Variants in CYP1A1 observed in about 807,000 individuals in gnomAD.
The protein encoded by CYP1A1 is cytochrome P450 1A1.
CYP1A1 carries 43 observed loss-of-function variants against 33.6 expected under a neutral mutation model. That is an observed-to-expected ratio of 1.28 (90% CI 1.00 to 1.65). The LOEUF is 1.65. CYP1A1 is among the 40% of genes most tolerant of loss of function. CYP1A1 has a pLI of 0.00. For synonymous variants in CYP1A1, 280 were observed against 257.8 expected (o/e 1.09, Z -0.83); for missense variants, 637 against 653.7 (o/e 0.97, Z 0.28).
chr15:74,721,847 C>A, intron 2 of CYP1A1, 130 bp from the exon 3 acceptor site: 2 of 1,205,550 alleles, frequency 1.7e-6, no homozygotes, highest in Non-Finnish European at 2.3e-6. Flanking sequence ...GTTGTCCCAG[C>A]TTCTCTCTGC....
chr15:74,720,666 C>A lies in CYP1A1; in HGVS notation c.1362G>T (p.Lys454Asn), dbSNP rs369745647. Residue 454 changes from lysine to asparagine, a missense_variant, in exon 7 of 7, where the codon AAG becomes AAT. Transcript: ENST00000379727. ...CAATGGTCTCACCGATACACTTCCG[C>A]TTGCCCATGCCAAAGATAATCACCT... ...SEKVIIFGMGKRKCIGETIAR... is the reference protein window; with the variant it reads ...SEKVIIFGMGNRKCIGETIAR... 12 of 1,614,060 alleles carry A rather than the reference C, an allele frequency of 7.4e-6. No individual in the cohort carries two copies. The highest frequency in any genetic ancestry group is 9.3e-6 in the Non-Finnish European group (11 of 1,180,028).
At position 74,722,447 on chromosome 15, in the gene CYP1A1, T is replaced by C; in HGVS notation, c.651A>G (p.Leu217=). The C allele has an allele frequency of 1.9e-6, 3 of 1,613,950 alleles. No homozygotes were observed. Among genetic ancestry groups the C allele is most frequent in the Non-Finnish European group, 2.5e-6 (3 of 1,179,954 alleles). The change falls in exon 2 of 7, where the codon CTA becomes CTG. Residue 217 remains leucine (L), a synonymous_variant. Transcript: ENST00000379727. ...CCCCGAAATTATTATTCAGGTTGAC[T>C]AGGCTAAGCAGTTCTTGGTGGTTGT... The part of the protein sequence containing the change: ...YDHNHQELLS[L]VNLNNNFGEV...
chr15:74,724,468 C>T (rs879901294), intron 1 of CYP1A1, among the ~76,000 whole-genome samples: 11 of 151,842 alleles, frequency 7.2e-5, no homozygotes, highest in Non-Finnish European at 1.5e-4. Context: ...AAGACAAGAT[C>T]TCTCAGTTCA....
Position 74,720,427 on chromosome 15 carries a change from G to A in CYP1A1, c.*62C>T. On this transcript the variant is annotated 3_prime_UTR_variant, in exon 7 of 7. Coordinates refer to ENST00000379727, the MANE Select transcript of CYP1A1 (RefSeq NM_001319217.2). ...AACCTTAGACCACATAGGCCAGCCT[G>A]CTGGTCTGGCTGCCCAACCAGACCA... 6.7e-7 allele frequency: 1 copy of A among 1,486,988 alleles called. No homozygotes were observed. Among genetic ancestry groups the A allele is most frequent in the Non-Finnish European group, 9.0e-7 (1 of 1,109,480 alleles). The allele number at this position is 1,486,988 out of a possible 1,614,324, so 92.1% of individuals were successfully genotyped here.
rs760213300 is a variant in CYP1A1, at chr15:74,722,362, G to A, written c.736C>T (p.Pro246Ser). 50 of 1,614,056 alleles carry A rather than the reference G, an allele frequency of 3.1e-5. 1 individual carries two copies. The Admixed American group carries it at 8.0e-4, about 26-fold the overall frequency. ...AGGTCCTTGAAGGCATTCAGGGAAG[G>A]GTTGGGTAGGTAGCGAAGAATAGGG... ...FIPILRYLPN[P>S]SLNAFKDLNE... is the part of the protein sequence containing the mutation. Residue 246 changes from proline (P) to serine (S), a missense_variant, in exon 2 of 7, where the codon CCT (proline) becomes TCT (serine). By Grantham distance (74) the Pro-to-Ser change is moderately conservative. Coordinates refer to ENST00000379727, the MANE Select transcript of CYP1A1 (RefSeq NM_001319217.2).
At position 74,722,332 on chromosome 15, in the gene CYP1A1, C is replaced by T. The variant is rs746238922; in HGVS notation, c.766G>A (p.Glu256Lys). The T allele has an allele frequency of 8.1e-6, 13 of 1,614,024 alleles. No individual in the cohort carries two copies. Among genetic ancestry groups the T allele is most frequent in the Non-Finnish European group, 1.0e-5 (12 of 1,180,008 alleles). ...PSLNAFKDLN[E>K]KFYSFMQKMV... Reference sequence around the variant, plus strand: ...TTCTGCATGAAGCTGTAGAACTTCTCATTCAGGTCCTTGAAGGCATTCAGG... The same window carrying T: ...TTCTGCATGAAGCTGTAGAACTTCTTATTCAGGTCCTTGAAGGCATTCAGG... Residue 256 changes from glutamate (E) to lysine (K), a missense_variant, in exon 2 of 7, where the codon GAG (glutamate) becomes AAG (lysine). Glu to Lys is a moderately conservative substitution (Grantham distance 56). Transcript: ENST00000379727.
Position 74,720,777 on chromosome 15 carries a change from G to C in CYP1A1, c.1254-3C>G. On this transcript the variant is annotated splice_region_variant and splice_polypyrimidine_tract_variant and intron_variant, in intron 6 of 6. Transcript: ENST00000379727. ...CAGATGGGTTGACCCATAGCTTCCT[G>C]TAACCAGAGGGAGACAGCTGAAGTG... 6.2e-7 allele frequency: 1 copy of C among 1,606,020 alleles called. No homozygotes were observed. Among genetic ancestry groups the C allele is most frequent in the Non-Finnish European group, 8.5e-7 (1 of 1,175,490 alleles).
At position 74,722,396 on chromosome 15, in the gene CYP1A1, A is replaced by T. The variant is rs1224953458; in HGVS notation, c.702T>A (p.Ala234=). The change falls in exon 2 of 7, where the codon GCT becomes GCA. Residue 234 remains alanine (A), a synonymous_variant. Coordinates refer to ENST00000379727, the MANE Select transcript of CYP1A1 (RefSeq NM_001319217.2). Reference sequence around the variant, plus strand: ...GGTAGCGAAGAATAGGGATGAAGTCAGCTGGGTTTCCAGAGCCAACCACCT... The same window carrying T: ...GGTAGCGAAGAATAGGGATGAAGTCTGCTGGGTTTCCAGAGCCAACCACCT... ...FGEVVGSGNP[A]DFIPILRYLP... is the part of the protein sequence containing the mutation. The T allele has an allele frequency of 6.2e-7, 1 of 1,614,110 alleles. No homozygotes were observed. Among genetic ancestry groups the T allele is most frequent in the South Asian group, 1.1e-5 (1 of 91,080 alleles).
Position 74,720,745 on chromosome 15 carries a change from AG to A in CYP1A1, c.1282del (p.Leu428TyrfsTer16), listed in dbSNP as rs761704913. ...QKLWVNPSEF[L>X]PERFLTPDGA... ...ATCAGGGGTGAGAAACCGTTCAGGT[AG>A]GAACTCAGATGGGTTGACCCATAGC... On this transcript the variant is annotated frameshift_variant, in exon 7 of 7. Coordinates refer to ENST00000379727, the MANE Select transcript of CYP1A1 (RefSeq NM_001319217.2). LOFTEE classifies it low-confidence loss of function (END_TRUNC). 24 of 1,613,368 alleles carry A rather than the reference AG, an allele frequency of 1.5e-5. No individual in the cohort carries two copies. In the African/African-American group the frequency reaches 2.8e-4, roughly 19 times the overall value.
Position 74,721,666 on chromosome 15 carries a change from G to A in CYP1A1, c.877C>T (p.Gln293Ter). ...DSLIEHCQEK[Q>*]LDENANVQLS... ...TGGACATTGGCGTTCTCATCCAGCTGCTTCTCCTGACAGTGCTCAATCAGG... is the reference window on the plus strand; with the variant it reads ...TGGACATTGGCGTTCTCATCCAGCTACTTCTCCTGACAGTGCTCAATCAGG... The change falls in exon 3 of 7, where the codon CAG becomes TAG. Residue 293 changes from glutamine (Q) to a stop codon, truncating the protein, a stop_gained. Coordinates refer to ENST00000379727, the MANE Select transcript of CYP1A1 (RefSeq NM_001319217.2). LOFTEE classifies it high-confidence loss of function. The A allele has an allele frequency of 6.2e-7, 1 of 1,614,092 alleles. No individual in the cohort carries two copies. The highest frequency in any genetic ancestry group is 1.1e-5 in the South Asian group (1 of 91,080).
chr15:74,720,755 A>G lies in CYP1A1; in HGVS notation c.1273T>C (p.Ser425Pro). The G allele has an allele frequency of 2.5e-6, 4 of 1,612,672 alleles. No homozygotes were observed. Among genetic ancestry groups the G allele is most frequent in the Non-Finnish European group, 3.4e-6 (4 of 1,179,164 alleles). Residue 425 changes from serine (S) to proline (P), a missense_variant, in exon 7 of 7, where the codon TCT becomes CCT. Transcript: ENST00000379727. ...NHDQKLWVNP[S>P]EFLPERFLTP... ...AGAAACCGTTCAGGTAGGAACTCAG[A>G]TGGGTTGACCCATAGCTTCCTGTAA...
chr15:74,722,776 C>T lies in CYP1A1; in HGVS notation c.322G>A (p.Asp108Asn), dbSNP rs78901429. 2.4e-5 allele frequency: 38 copies of T among 1,613,286 alleles called. No individual in the cohort carries two copies. The highest frequency in any genetic ancestry group is 1.8e-4 in the South Asian group (16 of 91,058). Residue 108 changes from aspartate to asparagine, a missense_variant, in exon 2 of 7, where the codon GAC becomes AAC. Physicochemically the swap from Asp to Asn is conservative, Grantham distance 23. Transcript: ENST00000379727. The stretch of plus-strand genomic sequence containing the variant: ...CTGATGAGGGTGAAGGTGTAGAGGT[C>T]GGGCCGGCCCTTGAAATCATCGCCC... ...RQGDDFKGRP[D>N]LYTFTLISNG...
chr15:74,720,904 A>G (rs1479604722), intron 6 of CYP1A1, 63 bp downstream of exon 6: 3 of 1,567,258 alleles, frequency 1.9e-6, no homozygotes, highest in Non-Finnish European at 2.6e-6. Flanking sequence ...CAATGATTGT[A>G]TTAATCATAT....
rs2856833 is a variant in CYP1A1 at position 74,721,222 on chromosome 15, G to A, written c.1143C>T (p.Phe381=). 5.6e-6 allele frequency: 9 copies of A among 1,613,328 alleles called. No individual in the cohort carries two copies. Among genetic ancestry groups the A allele is most frequent in the Admixed American group, 1.7e-5 (1 of 59,944 alleles). Reference sequence around the variant, plus strand: ...ACCTGTGGGGGATGGTGAAGGGGACGAAGGAAGAGTGTCGGAAGGTCTCCA... The same window carrying A: ...ACCTGTGGGGGATGGTGAAGGGGACAAAGGAAGAGTGTCGGAAGGTCTCCA... ...FILETFRHSS[F]VPFTIPHSTT... is the part of the protein sequence containing the mutation. Residue 381 remains phenylalanine, a synonymous_variant, in exon 5 of 7, where the codon TTC becomes TTT. Transcript: ENST00000379727.
Position 74,719,756 on chromosome 15 carries a change from T to C in CYP1A1, c.*733A>G, listed in dbSNP as rs772983461. On this transcript the variant is annotated 3_prime_UTR_variant, in exon 7 of 7. Transcript: ENST00000379727. ...CAAGAGTGTAGAGAAGGGAGACCAA[T>C]AGAAGGTAATTGAAATACCCCCCCC... The C allele has an allele frequency of 6.6e-6, 1 of 151,938 alleles. No individual in the cohort carries two copies. Among genetic ancestry groups the C allele is most frequent in the Non-Finnish European group, 1.5e-5 (1 of 67,978 alleles). The allele number at this position is 151,938 out of a possible 1,614,324, so 9.4% of individuals were successfully genotyped here. A position where few individuals can be genotyped will look rare whatever the true frequency, so the allele number is the denominator to read the frequency against.
rs574181719 is a variant in CYP1A1, at chr15:74,719,860, C to T, written c.*629G>A. The T allele has an allele frequency of 1.3e-5, 2 of 152,510 alleles. No homozygotes were observed. Among genetic ancestry groups the T allele is most frequent in the South Asian group, 4.1e-4 (2 of 4,830 alleles). 9.4% of individuals were successfully genotyped at this position (152,510 alleles called of 1,614,324 possible). Reference sequence around the variant, plus strand: ...ATCCCCGCAGACACAAGTCCCCAGCCCCTCCAGGACAGCAATAAGGGTCTT... The same window carrying T: ...ATCCCCGCAGACACAAGTCCCCAGCTCCTCCAGGACAGCAATAAGGGTCTT... On this transcript the variant is annotated 3_prime_UTR_variant, in exon 7 of 7. Transcript: ENST00000379727.
Position 74,722,568 on chromosome 15 carries a change from A to T in CYP1A1, c.530T>A (p.Leu177Gln). The T allele has an allele frequency of 6.2e-7, 1 of 1,614,170 alleles. No individual in the cohort carries two copies. The change falls in exon 2 of 7, where the codon CTG (leucine) becomes CAG (glutamine). Residue 177 changes from leucine to glutamine, a missense_variant. Coordinates refer to ENST00000379727, the MANE Select transcript of CYP1A1 (RefSeq NM_001319217.2). ...GTTAAAGTGCCCAGGCCCTGCCATC[A>T]GCTCCTGCAACGTGCTTATCAGGAC... ...AEVLISTLQE[L>Q]MAGPGHFNPY... is the part of the protein sequence containing the mutation.
Position 74,721,217 on chromosome 15 carries a change from G to GTGAAGA in CYP1A1, c.1147_1148insTCTTCA (p.Pro383delinsLeuPheThr). On this transcript the variant is annotated protein_altering_variant, in exon 5 of 7. Coordinates refer to ENST00000379727, the MANE Select transcript of CYP1A1 (RefSeq NM_001319217.2). ...GCCTTACCTGTGGGGGATGGTGAAG[G>GTGAAGA]GGACGAAGGAAGAGTGTCGGAAGGT... The GTGAAGA allele has an allele frequency of 6.2e-7, 1 of 1,613,224 alleles. No individual in the cohort carries two copies. The highest frequency in any genetic ancestry group is 8.5e-7 in the Non-Finnish European group (1 of 1,179,544).
rs2063182631 is a variant in CYP1A1, at chr15:74,722,749, T to C, written c.349A>G (p.Asn117Asp). The C allele has an allele frequency of 6.2e-7, 1 of 1,613,638 alleles. No homozygotes were observed. The highest frequency in any genetic ancestry group is 8.5e-7 in the Non-Finnish European group (1 of 1,180,020). Residue 117 changes from asparagine (N) to aspartate (D), a missense_variant, in exon 2 of 7, where the codon AAT (asparagine) becomes GAT (aspartate). Coordinates refer to ENST00000379727, the MANE Select transcript of CYP1A1 (RefSeq NM_001319217.2). Reference protein sequence around the residue: ...PDLYTFTLISNGQSMSFSPDS... With the variant: ...PDLYTFTLISDGQSMSFSPDS... ...GGGCTGAAGGACATGCTCTGACCATTACTGATGAGGGTGAAGGTGTAGAGG... is the reference window on the plus strand; with the variant it reads ...GGGCTGAAGGACATGCTCTGACCATCACTGATGAGGGTGAAGGTGTAGAGG...
Sources: gnomAD v4.1 joint callset for allele counts (sites outside exome capture counted in the v4.1 genomes callset) on GRCh38, gnomAD v4.1.1 for gene constraint, MANE v1.5 for transcripts, NCBI Gene and HGNC (gene_info 2026-07-23, HGNC 2026-07-21) for gene names.